KCND2: variants seen among roughly 807,000 people sequenced by gnomAD.
The protein encoded by KCND2 is A-type voltage-gated potassium channel KCND2.
Under a neutral mutation model 54.4 loss-of-function variants are expected in KCND2, and 16 were observed. That is an observed-to-expected ratio of 0.29 (90% confidence interval 0.20 to 0.45). KCND2 has a LOEUF of 0.45. KCND2 is among the 20% of genes least tolerant of loss of function. The pLI is 1.00. For missense variants in KCND2, 486 were observed against 824.2 expected (o/e 0.59, Z 5.02); for synonymous variants, 317 against 310.7 (o/e 1.02, Z -0.21).
chr7:120,692,843 G>A (rs548669332), intron 1 of KCND2, among the ~76,000 whole-genome samples: 8 of 152,178 alleles, frequency 5.3e-5, no homozygotes, highest in Non-Finnish European at 1.2e-4. Flanking sequence ...AAACTCCTAT[G>A]AAAGAAGGTG....
chr7:120,409,417 T>C (rs1051609035), intron 1 of KCND2, among the ~76,000 whole-genome samples: 1 of 151,750 alleles, frequency 6.6e-6, no homozygotes, highest in South Asian at 2.1e-4. Context: ...ATAAAATATC[T>C]GTTTGAGATT....
chr7:120,384,075 C>CT (rs1800953295), intron 1 of KCND2, among the ~76,000 whole-genome samples: 1 of 152,084 alleles, frequency 6.6e-6, no homozygotes, highest in Non-Finnish European at 1.5e-5. Flanking sequence ...CTGCATACAA[C>CT]TACCCCATCC....
intron 1 of KCND2, among the ~76,000 whole-genome samples, chr7:120,641,882 C>T (rs1021226322): frequency 2.0e-5 from 3 of 150,842 alleles, no homozygotes; most frequent in African/African-American, 4.9e-5. Flanking sequence ...AAAAGCACAG[C>T]GCTTTCAAAT....
intron 1 of KCND2, among the ~76,000 whole-genome samples, chr7:120,600,594 G>T (rs762257537): frequency 2.0e-5 from 3 of 151,970 alleles, no homozygotes; most frequent in Non-Finnish European, 4.4e-5. Flanking sequence ...GTGAAAGTAA[G>T]TTTAAAATTG....
chr7:120,369,358 G>T (rs1381076123), intron 1 of KCND2, among the ~76,000 whole-genome samples: 1 of 151,932 alleles, frequency 6.6e-6, no homozygotes, highest in Non-Finnish European at 1.5e-5. Flanking sequence ...TAAGAAAAAA[G>T]ATACTATTTT....
intron 1 of KCND2, among the ~76,000 whole-genome samples, chr7:120,489,745 C>T (rs917467932): frequency 8.6e-5 from 13 of 151,926 alleles, no homozygotes; most frequent in African/African-American, 2.7e-4. Context: ...GACTTCATGC[C>T]CCATCCTGAA....
intron 1 of KCND2, among the ~76,000 whole-genome samples, chr7:120,640,493 A>G (rs1437358022): frequency 6.6e-6 from 1 of 152,156 alleles, no homozygotes; most frequent in Non-Finnish European, 1.5e-5. Flanking sequence ...ATCAACGTGC[A>G]TTTCCGTAAA....
At chr7:120,633,626 C>T (rs1793266181) in intron 1 of KCND2, among the ~76,000 whole-genome samples, 1 of 152,180 alleles carries the variant, frequency 6.6e-6, no homozygotes, top group Non-Finnish European at 1.5e-5. Context: ...CCCCATTTTA[C>T]AGATGAGGAA....
intron 1 of KCND2, among the ~76,000 whole-genome samples, chr7:120,698,944 G>C (rs76731915): frequency 6.6e-6 from 1 of 152,130 alleles, no homozygotes; most frequent in African/African-American, 2.4e-5. Context: ...TAAAACAGGA[G>C]ACTTGTTGAG....
chr7:120,416,206 C>T (rs1801522568), intron 1 of KCND2, among the ~76,000 whole-genome samples: 1 of 152,076 alleles, frequency 6.6e-6, no homozygotes, highest in African/African-American at 2.4e-5. Context: ...TTATTACTAA[C>T]CTGTTTATTT....
At chr7:120,363,286 A>G (rs1800620585) in intron 1 of KCND2, among the ~76,000 whole-genome samples, 1 of 152,122 alleles carries the variant, frequency 6.6e-6, no homozygotes, top group Admixed American at 6.6e-5. Flanking sequence ...CCTGGATGAC[A>G]GAGCAAGATC....
rs192329052 is a variant in KCND2 at position 120,632,113 on chromosome 7, A to T, written c.1116-100790A>T. 1.7e-3 allele frequency among the ~76,000 whole-genome samples: 263 copies of T among 152,274 alleles called. 1 individual carries two copies. Among genetic ancestry groups the T allele is most frequent in the Non-Finnish European group, 2.7e-3 (184 of 67,992 alleles). On this transcript the variant is annotated intron_variant, in intron 1 of 5. Coordinates refer to ENST00000331113, the MANE Select transcript of KCND2 (RefSeq NM_012281.3). ...CTCTCTGAGACATAGCATGGTTTCT[A>T]TGTGATTAGAGAAGAGCAATGCCAG...
chr7:120,521,434 T>TA (rs1791690528), intron 1 of KCND2, among the ~76,000 whole-genome samples: 1 of 152,158 alleles, frequency 6.6e-6, no homozygotes, highest in Non-Finnish European at 1.5e-5. Flanking sequence ...AATCAAATTT[T>TA]ATGGGATATT....
intron 1 of KCND2, among the ~76,000 whole-genome samples, chr7:120,332,498 AC>A (rs1219486979): frequency 1.3e-5 from 2 of 152,112 alleles, no homozygotes; most frequent in Non-Finnish European, 2.9e-5. Context: ...AATGTAAGAA[AC>A]CCAAATGCAG....
At chr7:120,618,384 G>T (rs184422425) in intron 1 of KCND2, among the ~76,000 whole-genome samples, 1 of 152,100 alleles carries the variant, frequency 6.6e-6, no homozygotes, top group Non-Finnish European at 1.5e-5. Context: ...TTATTCCAAT[G>T]ATCATTAATG....
intron 1 of KCND2, among the ~76,000 whole-genome samples, chr7:120,716,192 T>C: frequency 6.6e-6 from 1 of 152,096 alleles, no homozygotes; most frequent in Non-Finnish European, 1.5e-5. Context: ...TTTTTCCACA[T>C]TTTATTCCTT....
intron 1 of KCND2, among the ~76,000 whole-genome samples, chr7:120,690,279 T>C (rs1024063939): frequency 6.6e-6 from 1 of 152,192 alleles, no homozygotes; most frequent in Non-Finnish European, 1.5e-5. Flanking sequence ...TTAAATTTGC[T>C]TTATTATTTT....
chr7:120,538,556 C>T (rs1791939955), intron 1 of KCND2, among the ~76,000 whole-genome samples: 1 of 152,108 alleles, frequency 6.6e-6, no homozygotes, highest in Non-Finnish European at 1.5e-5. Flanking sequence ...CAGCTAATAG[C>T]CCACTCTCTG....
intron 1 of KCND2, among the ~76,000 whole-genome samples, chr7:120,277,255 A>G (rs1003324709): frequency 4.6e-5 from 7 of 152,082 alleles, no homozygotes; most frequent in Non-Finnish European, 1.0e-4. Flanking sequence ...TCTACTTCTT[A>G]TATTTCCTTT....
Sources: gnomAD v4.1 joint callset for allele counts (sites outside exome capture counted in the v4.1 genomes callset) on GRCh38, gnomAD v4.1.1 for gene constraint, MANE v1.5 for transcripts, NCBI Gene and HGNC (gene_info 2026-07-23, HGNC 2026-07-21) for gene names.